Variants in ATIC observed in about 807,000 individuals in gnomAD.
ATIC encodes 5-aminoimidazole-4-carboxamide ribonucleotide formyltransferase/IMP cyclohydrolase.
Under a neutral mutation model 72.5 loss-of-function variants are expected in ATIC, and 64 were observed. The ratio of observed to expected loss-of-function variants is 0.88; its 90% CI spans 0.72 to 1.09. The LOEUF (loss-of-function observed/expected upper bound fraction) is 1.09. Among genes scored for constraint, ATIC ranks in the 50% least tolerant of loss-of-function variants. The probability of loss-of-function intolerance (pLI) is 0.00; values close to 1 mark genes in which losing one functional copy is unlikely to be tolerated. For synonymous variants in ATIC, 281 were observed against 267.1 expected (o/e 1.05, Z -0.51); for missense variants, 787 against 732.4 (o/e 1.07, Z -0.86).
intron 1 of ATIC, 98 bp from the exon 2 acceptor site, chr2:215,312,399 CT>C: frequency 6.3e-7 from 1 of 1,599,520 alleles, no homozygotes; most frequent in Non-Finnish European, 8.6e-7. Flanking sequence ...AGGTGCTGGC[CT>C]TGCGATTCGA....
chr2:215,348,286 G>A (rs2053092792), intron 14 of ATIC, among the ~76,000 whole-genome samples: 1 of 152,094 alleles, frequency 6.6e-6, no homozygotes. Flanking sequence ...TGTAGTTAAA[G>A]AACTACTCAT....
chr2:215,338,280 C>A (rs2052978997), intron 11 of ATIC, among the ~76,000 whole-genome samples: 1 of 152,170 alleles, frequency 6.6e-6, no homozygotes. Flanking sequence ...ATTACAAATC[C>A]TGTTTTCTCA....
chr2:215,347,871 A>G (rs2053088248), intron 14 of ATIC, among the ~76,000 whole-genome samples: 2 of 152,162 alleles, frequency 1.3e-5, no homozygotes, highest in Non-Finnish European at 2.9e-5. Context: ...ATGACACAAT[A>G]CTGCAGGCTG....
intron 14 of ATIC, among the ~76,000 whole-genome samples, chr2:215,348,404 G>A (rs990947033): frequency 2.0e-5 from 3 of 151,846 alleles, no homozygotes; most frequent in African/African-American, 2.4e-5. Flanking sequence ...TAAATTAGAC[G>A]GTAGTCTAAT....
chr2:215,354,981 G>A, the ATIC span, among the ~76,000 whole-genome samples: 1 of 151,870 alleles, frequency 6.6e-6, no homozygotes, highest in Non-Finnish European at 1.5e-5. Context: ...AGCAATAAGA[G>A]CAACCATTCT....
chr2:215,366,444 A>C, the ATIC span, among the ~76,000 whole-genome samples: 1 of 152,196 alleles, frequency 6.6e-6, no homozygotes, highest in Non-Finnish European at 1.5e-5. Flanking sequence ...TGGGAAGAGT[A>C]AAAAATGAAC....
At chr2:215,367,897 G>A in the ATIC span, 1 of 1,614,118 alleles carries the variant, frequency 6.2e-7, no homozygotes, top group Non-Finnish European at 8.5e-7. Flanking sequence ...CACTTCCAAA[G>A]CCTAAGCACT....
At chr2:215,313,887 G>A (rs911319408) in intron 2 of ATIC, among the ~76,000 whole-genome samples, 1 of 152,144 alleles carries the variant, frequency 6.6e-6, no homozygotes, top group Non-Finnish European at 1.5e-5. Context: ...ATCAGCAACC[G>A]AATGAGAATT....
At chr2:215,344,748 C>T (rs759057049) in intron 12 of ATIC, 31 bp from the exon 13 acceptor site, 3 of 1,589,774 alleles carry the variant, frequency 1.9e-6, no homozygotes, top group South Asian at 2.2e-5. Context: ...TAAAAGGCCC[C>T]ATGCAATTTA....
downstream of ATIC, among the ~76,000 whole-genome samples, chr2:215,351,818 A>C (rs2053132871): frequency 6.6e-6 from 1 of 152,230 alleles, no homozygotes; most frequent in South Asian, 2.1e-4. Context: ...TAGTAACTAC[A>C]GTGGAGAAAA....
intron 4 of ATIC, among the ~76,000 whole-genome samples, chr2:215,323,826 T>C (rs1397585353): frequency 2.0e-5 from 3 of 152,196 alleles, no homozygotes; most frequent in African/African-American, 2.4e-5. Flanking sequence ...CAAGGCGGAG[T>C]GCAGTTGCGT....
intron 14 of ATIC, 107 bp from the exon 15 acceptor site, chr2:215,348,983 AAAAC>A (rs1374097944): frequency 1.0e-6 from 1 of 969,082 alleles, no homozygotes; most frequent in Non-Finnish European, 1.5e-6. Context: ...AATAATAATA[AAAAC>A]AAGTCCTAAG....
At chr2:215,360,603 G>A in the ATIC span, 4 of 152,378 alleles carry the variant, frequency 2.6e-5, no homozygotes, top group East Asian at 7.7e-4. Context: ...CTTCTGAACG[G>A]TAAACTAGCA....
rs2052657685 is a variant in ATIC at position 215,312,123 on chromosome 2, T to A, written c.-20T>A. 3.3e-6 allele frequency: 5 copies of A among 1,529,674 alleles called. No individual in the cohort carries two copies. Among genetic ancestry groups the A allele is most frequent in the Admixed American group, 2.0e-5 (1 of 50,694 alleles). 94.8% of individuals were successfully genotyped at this position (1,529,674 alleles called of 1,614,324 possible). The stretch of plus-strand genomic sequence containing the variant: ...CGCCGCTGCTGCCTCCCGCTCGCCC[T>A]GAACCCAGTGCCTGCAGCCATGGCT... On this transcript the variant is annotated 5_prime_UTR_variant, in exon 1 of 16. Transcript: ENST00000236959.
At chr2:215,349,409 A>T in intron 15 of ATIC, 127 bp from the exon 16 acceptor site, 2 of 1,577,732 alleles carry the variant, frequency 1.3e-6, no homozygotes, top group East Asian at 2.3e-5. Context: ...GAGAACCCAA[A>T]TCCTGTTGTT....
At chr2:215,329,859 T>C (rs1455770025) in intron 7 of ATIC, among the ~76,000 whole-genome samples, 1 of 152,018 alleles carries the variant, frequency 6.6e-6, no homozygotes, top group Non-Finnish European at 1.5e-5. Flanking sequence ...GCCTCCCAGG[T>C]TCAAGTGATC....
chr2:215,365,766 C>G, the ATIC span: 1 of 542,280 alleles, frequency 1.8e-6, no homozygotes, highest in Non-Finnish European at 3.1e-6. Flanking sequence ...ATAAAAACCC[C>G]TATAATGGGC....
intron 12 of ATIC, among the ~76,000 whole-genome samples, chr2:215,343,916 G>T (rs1216319922): frequency 6.6e-6 from 1 of 152,060 alleles, no homozygotes; most frequent in Non-Finnish European, 1.5e-5. Context: ...TGATATTTTT[G>T]GGCGTTATTC....
At chr2:215,365,578 A>T in the ATIC span, 16 of 1,613,854 alleles carry the variant, frequency 9.9e-6, no homozygotes, top group Non-Finnish European at 1.3e-5. Flanking sequence ...TTTCTCCCTG[A>T]CGGTCCCACT....
Sources: gnomAD v4.1 joint callset for allele counts (sites outside exome capture counted in the v4.1 genomes callset) on GRCh38, gnomAD v4.1.1 for gene constraint, MANE v1.5 for transcripts, NCBI Gene and HGNC (gene_info 2026-07-23, HGNC 2026-07-21) for gene names.